The following STXBP5 variants were observed in gnomAD, a reference collection of about 807,000 sequenced individuals.
STXBP5 encodes syntaxin binding protein 5.
In STXBP5, 50 loss-of-function variants were observed where a neutral mutation model predicts 152.4. The observed-to-expected ratio is 0.33, with a 90% CI of 0.26 to 0.42. STXBP5 has a LOEUF of 0.42. Ranked by LOEUF, STXBP5 falls within the 10% of genes least tolerant of loss-of-function variation. The probability of loss-of-function intolerance (pLI) is 1.00; values close to 1 mark genes in which losing one functional copy is unlikely to be tolerated. For missense variants in STXBP5, 1,167 were observed against 1,388.6 expected, an observed-to-expected ratio of 0.84 and a Z score of 2.54; for synonymous variants, 492 against 494.7, an observed-to-expected ratio of 0.99 and a Z score of 0.07.
At chr6:147,206,779 AT>A in intron 2 of STXBP5, among the ~76,000 whole-genome samples, 1 of 152,122 alleles carries the variant, frequency 6.6e-6, no homozygotes, top group Non-Finnish European at 1.5e-5. Context: ...TTTATCAAGC[AT>A]TTTTTTAAAT....
rs774936595 is a variant in STXBP5 at position 147,363,411 on chromosome 6, G to A, written c.2622G>A (p.Ala874=). The A allele has an allele frequency of 2.9e-5, 47 of 1,613,878 alleles. No individual in the cohort carries two copies. Among genetic ancestry groups the A allele is most frequent in the African/African-American group, 1.1e-4 (8 of 74,882 alleles). ...CCACAGGCTGCTTAATACCACCTGC[G>A]TATGAACCCTGGAGAGAGCACAATG... ...LDTTGCLIPP[A]YEPWREHNVP... Residue 874 remains alanine (A), a synonymous_variant, in exon 24 of 28, where the codon GCG becomes GCA. Coordinates refer to ENST00000321680, the MANE Select transcript of STXBP5 (RefSeq NM_001127715.4).
chr6:147,362,270 TA>T (rs1308808024), intron 23 of STXBP5, among the ~76,000 whole-genome samples: 2 of 152,034 alleles, frequency 1.3e-5, no homozygotes, highest in African/African-American at 4.8e-5. Flanking sequence ...TTCTTAGAAA[TA>T]AAAGAAAATA....
Position 147,363,613 on chromosome 6 carries a change from A to T in STXBP5, c.2824A>T (p.Thr942Ser). The T allele has an allele frequency of 6.2e-7, 1 of 1,614,084 alleles. No individual in the cohort carries two copies. Among genetic ancestry groups the T allele is most frequent in the Non-Finnish European group, 8.5e-7 (1 of 1,180,004 alleles). ...TGCTTATAAGCAAAATATTACAGAG[A>T]CCTCGTTTGTGCTTCGTGGAGATAT... is the stretch of plus-strand genomic sequence containing the variant. ...NCAYKQNITETSFVLRGDIVA... is the reference protein window; with the variant it reads ...NCAYKQNITESSFVLRGDIVA... The change falls in exon 24 of 28, where the codon ACC (threonine) becomes TCC (serine). Residue 942 changes from threonine to serine, a missense_variant. Transcript: ENST00000321680.
intron 18 of STXBP5, among the ~76,000 whole-genome samples, chr6:147,328,476 C>A (rs1294369682): frequency 6.6e-6 from 1 of 152,206 alleles, no homozygotes; most frequent in Non-Finnish European, 1.5e-5. Context: ...TTAACTAATA[C>A]TGCAAATTTT....
At chr6:147,316,180 A>C in intron 15 of STXBP5, 49 bp from the exon 16 acceptor site, 1 of 1,555,198 alleles carries the variant, frequency 6.4e-7, no homozygotes, top group Non-Finnish European at 8.9e-7. Flanking sequence ...TTGTGATAAA[A>C]TGAGCAATAA....
chr6:147,270,736 T>A (rs1780124718), intron 7 of STXBP5, among the ~76,000 whole-genome samples: 1 of 152,158 alleles, frequency 6.6e-6, no homozygotes, highest in Admixed American at 6.5e-5. Flanking sequence ...AAAACTTTCT[T>A]ATTTTCTAAA....
At chr6:147,314,422 G>T (rs977876548) in intron 13 of STXBP5, 91 bp downstream of exon 13, 1 of 1,333,002 alleles carries the variant, frequency 7.5e-7, no homozygotes, top group Non-Finnish European at 1.1e-6. Flanking sequence ...TGGACAGGTA[G>T]AGCTTTCCTT....
At chr6:147,341,618 C>G (rs1582969691) in intron 21 of STXBP5, among the ~76,000 whole-genome samples, 1 of 152,044 alleles carries the variant, frequency 6.6e-6, no homozygotes, top group South Asian at 2.1e-4. Context: ...AAGTTTGCCC[C>G]TGAGTTTTAC....
At chr6:147,254,790 T>C (rs1299374414) in intron 4 of STXBP5, among the ~76,000 whole-genome samples, 1 of 152,156 alleles carries the variant, frequency 6.6e-6, no homozygotes, top group Non-Finnish European at 1.5e-5. Context: ...CCAGTTAGAA[T>C]GGTGATCATT....
chr6:147,205,033 G>T (rs1776468994), intron 1 of STXBP5, among the ~76,000 whole-genome samples: 1 of 152,078 alleles, frequency 6.6e-6, no homozygotes, highest in African/African-American at 2.4e-5. Flanking sequence ...CAACTTCGAA[G>T]TTTCCTTTGG....
chr6:147,267,171 A>T lies in STXBP5; in HGVS notation c.714+4A>T, dbSNP rs1404522058. 4 of 1,588,840 alleles carry T rather than the reference A, an allele frequency of 2.5e-6. No homozygotes were observed. The South Asian group carries it at 3.5e-5, about 14-fold the overall frequency. On this transcript the variant is annotated splice_donor_region_variant and intron_variant, in intron 7 of 27. Coordinates refer to ENST00000321680, the MANE Select transcript of STXBP5 (RefSeq NM_001127715.4). ...CTACAGATACACATATGATGAGGTA[A>T]TATTATTTTTGCTAGTAAAAGCTAT...
rs550178898 is a variant in STXBP5, at chr6:147,289,834, AC to A, written c.839-1257del. On this transcript the variant is annotated intron_variant, in intron 8 of 27. Coordinates refer to ENST00000321680, the MANE Select transcript of STXBP5 (RefSeq NM_001127715.4). ...CACAACCTATCTAGAATAAAACTTT[AC>A]CCAGATATACTATATGCCAAACAAT... 8.1e-3 allele frequency among the ~76,000 whole-genome samples: 1,237 copies of A among 152,298 alleles called. 18 individuals carry two copies. Among genetic ancestry groups the A allele is most frequent in the African/African-American group, 0.029 (1,187 of 41,550 alleles).
intron 8 of STXBP5, among the ~76,000 whole-genome samples, chr6:147,289,528 G>T (rs899128193): frequency 2.6e-5 from 4 of 151,868 alleles, no homozygotes; most frequent in Non-Finnish European, 5.9e-5. Flanking sequence ...GTAGGAATTC[G>T]CTAGGGAAAA....
At chr6:147,213,490 A>G (rs1338060974) in intron 2 of STXBP5, among the ~76,000 whole-genome samples, 4 of 129,376 alleles carry the variant, frequency 3.1e-5, no homozygotes, top group African/African-American at 1.4e-4. Flanking sequence ...GCGCGCATAT[A>G]TATATTTTTT....
chr6:147,286,468 G>A (rs1385218754), intron 8 of STXBP5, among the ~76,000 whole-genome samples: 2 of 152,112 alleles, frequency 1.3e-5, no homozygotes, highest in Non-Finnish European at 1.5e-5. Flanking sequence ...AAATATTTAT[G>A]TCAAAACTCA....
intron 8 of STXBP5, among the ~76,000 whole-genome samples, chr6:147,281,955 C>T (rs117486328): frequency 0.035 from 5,388 of 152,240 alleles, 145 homozygotes; most frequent in Admixed American, 0.054. Context: ...AATAATGAAA[C>T]TTGACCTAGT....
intron 18 of STXBP5, among the ~76,000 whole-genome samples, chr6:147,333,337 C>T (rs1783673538): frequency 6.6e-6 from 1 of 152,088 alleles, no homozygotes; most frequent in African/African-American, 2.4e-5. Flanking sequence ...ACCTGGCCAA[C>T]ATGGTGAAAC....
Position 147,292,147 on chromosome 6 carries a change from C to A in STXBP5, c.917+975C>A. The A allele has an allele frequency of 5.0e-6, 2 of 396,432 alleles. 1 individual carries two copies. Among genetic ancestry groups the A allele is most frequent in the Middle Eastern group, 7.3e-4 (2 of 2,736 alleles). The allele number at this position is 396,432 out of a possible 1,614,324, so 24.6% of individuals were successfully genotyped here. A position where few individuals can be genotyped will look rare whatever the true frequency, so the allele number is the denominator to read the frequency against. On this transcript the variant is annotated intron_variant, in intron 9 of 27. Coordinates refer to ENST00000321680, the MANE Select transcript of STXBP5 (RefSeq NM_001127715.4). Reference sequence around the variant, plus strand: ...CTGGATATTACAACTGGCCCACTCACTTTTTAATCTCCCCTCCCATTTCAA... The same window carrying A: ...CTGGATATTACAACTGGCCCACTCAATTTTTAATCTCCCCTCCCATTTCAA...
chr6:147,244,731 G>A (rs1010485463), intron 4 of STXBP5, among the ~76,000 whole-genome samples: 7 of 152,124 alleles, frequency 4.6e-5, no homozygotes, highest in African/African-American at 1.7e-4. Flanking sequence ...TGGACTTTCT[G>A]ATTATGAGTT....
Sources: allele counts gnomAD v4.1 joint callset (sites outside exome capture counted in the v4.1 genomes callset), GRCh38; gene constraint gnomAD v4.1.1; transcripts MANE v1.5; gene names NCBI Gene and HGNC (gene_info 2026-07-23, HGNC 2026-07-21).